CNTNAP4: variants seen among roughly 807,000 people sequenced by gnomAD.
The protein encoded by CNTNAP4 is contactin-associated protein-like 4.
CNTNAP4 carries 98 observed loss-of-function variants against 148.4 expected under a neutral mutation model. That is an observed-to-expected ratio of 0.66 (90% CI 0.56 to 0.78). The LOEUF (loss-of-function observed/expected upper bound fraction) is 0.78, where lower values mean the gene tolerates loss of function less well. CNTNAP4 is among the 30% of genes least tolerant of loss of function. The probability of loss-of-function intolerance (pLI) is 0.00; values close to 1 mark genes in which losing one functional copy is unlikely to be tolerated. For synonymous variants in CNTNAP4, 730 were observed against 565.1 expected (o/e 1.29, Z -4.14); for missense variants, 1,935 against 1,565.6 (o/e 1.24, Z -3.98).
At chr16:76,525,872 A>C (rs1453196461) in intron 17 of CNTNAP4, among the ~76,000 whole-genome samples, 2 of 148,600 alleles carry the variant, frequency 1.3e-5, no homozygotes, top group Non-Finnish European at 3.0e-5. Flanking sequence ...TATATAAACT[A>C]TGTAACTATA....
At chr16:76,491,842 A>G (rs1212827372) in intron 13 of CNTNAP4, among the ~76,000 whole-genome samples, 1 of 118,912 alleles carries the variant, frequency 8.4e-6, no homozygotes. Context: ...TTTAAGGCTG[A>G]ATGATATCCC....
At chr16:76,427,342 A>G in intron 3 of CNTNAP4, 110 bp from the exon 4 acceptor site, 1 of 812,876 alleles carries the variant, frequency 1.2e-6, no homozygotes, top group African/African-American at 1.7e-5. Context: ...AGAAGGTAGC[A>G]CCATTCATAG....
Position 76,542,410 on chromosome 16 carries a change from G to A in CNTNAP4, c.3442+1620G>A, listed in dbSNP as rs188434598. ...ATTCCATGTATAGCTATGGCATAGCGTAGGAAGCCAAAGAGAATTGTAAAA... is the reference window on the plus strand; with the variant it reads ...ATTCCATGTATAGCTATGGCATAGCATAGGAAGCCAAAGAGAATTGTAAAA... On this transcript the variant is annotated intron_variant, in intron 21 of 23. Transcript: ENST00000611870. Among the ~76,000 whole-genome samples, 81 of 152,226 alleles carry A rather than the reference G, an allele frequency of 5.3e-4. 1 individual carries two copies. Among genetic ancestry groups the A allele is most frequent in the Middle Eastern group, 6.8e-3 (2 of 294 alleles).
intron 2 of CNTNAP4, among the ~76,000 whole-genome samples, chr16:76,325,747 A>C (rs1004238850): frequency 6.6e-6 from 1 of 152,178 alleles, no homozygotes; most frequent in African/African-American, 2.4e-5. Flanking sequence ...TTAAGCCAAA[A>C]ATAAGCAAAA....
chr16:76,339,442 TAA>T (rs1172354779), intron 2 of CNTNAP4, among the ~76,000 whole-genome samples: 5 of 152,176 alleles, frequency 3.3e-5, no homozygotes, highest in African/African-American at 1.2e-4. Flanking sequence ...ATATTTATGT[TAA>T]GATACTAGAT....
At chr16:76,284,413 A>G (rs1011363341) in intron 1 of CNTNAP4, among the ~76,000 whole-genome samples, 3 of 151,952 alleles carry the variant, frequency 2.0e-5, no homozygotes, top group African/African-American at 7.2e-5. Context: ...AAATCTCAGA[A>G]AGTGAAAGAA....
At position 76,448,816 on chromosome 16, in the gene CNTNAP4, C is replaced by T. The variant is rs1333490604; in HGVS notation, c.792C>T (p.Gly264=). ...STSTLVNLTL[G]SLLDDQHWHS... ...CCACCCTGGTCAATCTCACCCTGGG[C>T]AGCCTGCTAGATGATCAGCATTGGC... Residue 264 remains glycine (G), a synonymous_variant, in exon 6 of 24, where the codon GGC becomes GGT. Coordinates refer to ENST00000611870, the MANE Select transcript of CNTNAP4 (RefSeq NM_033401.5). 1 of 1,611,980 alleles carries T rather than the reference C, an allele frequency of 6.2e-7. No homozygotes were observed. The highest frequency in any genetic ancestry group is 8.5e-7 in the Non-Finnish European group (1 of 1,179,162).
intron 4 of CNTNAP4, among the ~76,000 whole-genome samples, chr16:76,446,950 A>G (rs2080271187): frequency 6.6e-6 from 1 of 152,208 alleles, no homozygotes; most frequent in Non-Finnish European, 1.5e-5. Context: ...GAAATATGCA[A>G]AGTGATTTAA....
rs2083689701 is a variant in CNTNAP4, at chr16:76,525,627, GT to G, written c.2755+3373del. Among the ~76,000 whole-genome samples the G allele has an allele frequency of 5.4e-5, 5 of 93,358 alleles. No homozygotes were observed. In the South Asian group the frequency reaches 1.5e-3, roughly 27 times the overall value. 61.2% of individuals were successfully genotyped at this position (93,358 alleles called of 152,430 possible). On this transcript the variant is annotated intron_variant, in intron 17 of 23. Coordinates refer to ENST00000611870, the MANE Select transcript of CNTNAP4 (RefSeq NM_033401.5). ...TATATAGTTTTATAGTTTATATGTAGTTTATAACTACATATAAACTATAAAA... is the reference window on the plus strand; with the variant it reads ...TATATAGTTTTATAGTTTATATGTAGTTATAACTACATATAAACTATAAAA...
chr16:76,475,104 G>A (rs559305106), intron 10 of CNTNAP4, among the ~76,000 whole-genome samples: 2 of 152,112 alleles, frequency 1.3e-5, no homozygotes, highest in East Asian at 3.9e-4. Flanking sequence ...TTGAACCCAG[G>A]AGGCGGAGGT....
intron 2 of CNTNAP4, among the ~76,000 whole-genome samples, chr16:76,318,717 GAATA>G (rs1488775032): frequency 6.7e-6 from 1 of 148,354 alleles, no homozygotes; most frequent in Non-Finnish European, 1.5e-5. Flanking sequence ...TTATTAGAGA[GAATA>G]AATTAATTAT....
intron 12 of CNTNAP4, among the ~76,000 whole-genome samples, chr16:76,480,857 G>T (rs1321007617): frequency 6.6e-6 from 1 of 152,210 alleles, no homozygotes; most frequent in Non-Finnish European, 1.5e-5. Context: ...GTGTTTGTTT[G>T]TAGGTTGGTG....
At chr16:76,466,400 G>A (rs1238421989) in intron 9 of CNTNAP4, among the ~76,000 whole-genome samples, 1 of 152,138 alleles carries the variant, frequency 6.6e-6, no homozygotes, top group Non-Finnish European at 1.5e-5. Flanking sequence ...AACTAAAATA[G>A]TTTAAATGGA....
chr16:76,432,576 G>T (rs1366884526), intron 4 of CNTNAP4: 2 of 152,116 alleles, frequency 1.3e-5, no homozygotes, highest in African/African-American at 4.8e-5. Flanking sequence ...AATGTTTGAT[G>T]CTACAGAAAC....
At chr16:76,311,882 A>G (rs986642194) in intron 1 of CNTNAP4, among the ~76,000 whole-genome samples, 19 of 152,204 alleles carry the variant, frequency 1.2e-4, no homozygotes, top group African/African-American at 3.9e-4. Flanking sequence ...TGATGTGCCA[A>G]TCTGATATAG....
chr16:76,470,347 G>A (rs979526500), intron 10 of CNTNAP4, among the ~76,000 whole-genome samples: 1 of 151,412 alleles, frequency 6.6e-6, no homozygotes, highest in African/African-American at 2.4e-5. Flanking sequence ...TTAAAAACAA[G>A]CATTAACAGC....
At position 76,522,631 on chromosome 16, in the gene CNTNAP4, TTCC is replaced by T. The variant is rs1188280605; in HGVS notation, c.2755+376_2755+378del. On this transcript the variant is annotated intron_variant, in intron 17 of 23. Coordinates refer to ENST00000611870, the MANE Select transcript of CNTNAP4 (RefSeq NM_033401.5). ...TTTATTTCCTTCCTTCCTTCCTTCC[TTCC>T]TTCTTTCTTTCTTTTCTCTCTTTCT... Among the ~76,000 whole-genome samples, 26 of 120,720 alleles carry T rather than the reference TTCC, an allele frequency of 2.2e-4. 2 individuals carry two copies. Among genetic ancestry groups the T allele is most frequent in the African/African-American group, 8.2e-4 (25 of 30,592 alleles). 79.2% of individuals were successfully genotyped at this position (120,720 alleles called of 152,430 possible). A position where few individuals can be genotyped will look rare whatever the true frequency, so the allele number is the denominator to read the frequency against.
intron 3 of CNTNAP4, among the ~76,000 whole-genome samples, chr16:76,416,193 A>C (rs1182366417): frequency 6.6e-6 from 1 of 151,212 alleles, no homozygotes; most frequent in Non-Finnish European, 1.5e-5. Context: ...TATCAATCTT[A>C]GCAAACTTTT....
At chr16:76,547,230 C>G (rs937678462) in intron 21 of CNTNAP4, among the ~76,000 whole-genome samples, 1 of 152,040 alleles carries the variant, frequency 6.6e-6, no homozygotes, top group Non-Finnish European at 1.5e-5. Context: ...GTTGTTTTGC[C>G]AATTCATTAA....
Sources: gnomAD v4.1 joint callset for allele counts (sites outside exome capture counted in the v4.1 genomes callset) on GRCh38, gnomAD v4.1.1 for gene constraint, MANE v1.5 for transcripts, NCBI Gene and HGNC (gene_info 2026-07-23, HGNC 2026-07-21) for gene names.